Variants in CNKSR3 observed in about 807,000 individuals in gnomAD.
The protein encoded by CNKSR3 is CNKSR family member 3, also known as connector enhancer of kinase suppressor of ras 3.
In CNKSR3, 36 loss-of-function variants were observed where a neutral mutation model predicts 67.7. That is an observed-to-expected ratio of 0.53 (90% CI 0.41 to 0.70). CNKSR3 has a LOEUF of 0.70. CNKSR3 is among the 30% of genes least tolerant of loss of function. CNKSR3 has a pLI of 0.00. For missense variants in CNKSR3, 630 were observed against 695.2 expected, an observed-to-expected ratio of 0.91 and a Z score of 1.05; for synonymous variants, 281 against 271.4, an observed-to-expected ratio of 1.04 and a Z score of -0.35.
Position 154,394,325 on chromosome 6 carries a change from C to A in CNKSR3, c.*12029G>T, listed in dbSNP as rs1217574032. 3.9e-5 allele frequency: 6 copies of A among 152,142 alleles called. No individual in the cohort carries two copies. The highest frequency in any genetic ancestry group is 8.8e-5 in the Non-Finnish European group (6 of 68,032). The allele number at this position is 152,142 out of a possible 1,614,324, so 9.4% of individuals were successfully genotyped here. A position where few individuals can be genotyped will look rare whatever the true frequency, so the allele number is the denominator to read the frequency against. On this transcript the variant is annotated 3_prime_UTR_variant, in exon 13 of 13. Transcript: ENST00000607772. ...ACCACACATGGCCTTATTATTGTCACTTCTAGGCCAGGTTGGTTGAGTATT... is the reference window on the plus strand; with the variant it reads ...ACCACACATGGCCTTATTATTGTCAATTCTAGGCCAGGTTGGTTGAGTATT...
intron 8 of CNKSR3, 104 bp from the exon 9 acceptor site, chr6:154,422,756 A>G: frequency 7.5e-7 from 1 of 1,337,050 alleles, no homozygotes; most frequent in Non-Finnish European, 1.1e-6. Context: ...GCAGATACAT[A>G]GAAACAAAAT....
intron 1 of CNKSR3, among the ~76,000 whole-genome samples, chr6:154,481,945 G>A (rs1786575670): frequency 6.6e-6 from 1 of 152,134 alleles, no homozygotes; most frequent in African/African-American, 2.4e-5. Context: ...CTACCAATCT[G>A]TCATCAAGTG....
intron 11 of CNKSR3, 138 bp from the exon 12 acceptor site, chr6:154,410,570 T>C (rs750553146): frequency 1.1e-4 from 70 of 625,438 alleles, no homozygotes; most frequent in Non-Finnish European, 1.7e-4. Flanking sequence ...AAAATAAAAG[T>C]ATTTTAAAGC....
At chr6:154,470,188 CTTTTTTTTTTTTTTTTTTTT>C (rs869154714) in intron 1 of CNKSR3, among the ~76,000 whole-genome samples, 1 of 68,724 alleles carries the variant, frequency 1.5e-5, no homozygotes. Context: ...ACTTTCTTTC[CTTTTTTTTTTTTTTTTTTTT>C]TTTTTTTTTT....
At chr6:154,455,353 G>A (rs970323910) in intron 1 of CNKSR3, among the ~76,000 whole-genome samples, 2 of 152,110 alleles carry the variant, frequency 1.3e-5, no homozygotes, top group African/African-American at 4.8e-5. Context: ...TTCCTCCACT[G>A]GTGTGGAGAA....
At chr6:154,498,812 C>T (rs1786927443) in intron 1 of CNKSR3, among the ~76,000 whole-genome samples, 1 of 152,234 alleles carries the variant, frequency 6.6e-6, no homozygotes, top group African/African-American at 2.4e-5. Context: ...TGAAATGCAA[C>T]ATGTTTGTGA....
At chr6:154,454,104 C>CAGAGAGAGAGAG (rs71021054) in intron 1 of CNKSR3, among the ~76,000 whole-genome samples, 82 of 116,332 alleles carry the variant, frequency 7.0e-4, no homozygotes, top group African/African-American at 2.6e-3. Flanking sequence ...CACACACACA[C>CAGAGAGAGAGAG]AGAGAGAGAG....
In CNKSR3 at chr6:154,389,763, T is replaced by G. The variant is rs932922360; in HGVS notation, c.*16591A>C. 2 of 152,138 alleles carry G rather than the reference T, an allele frequency of 1.3e-5. No individual in the cohort carries two copies. Among genetic ancestry groups the G allele is most frequent in the African/African-American group, 4.8e-5 (2 of 41,424 alleles). The allele number at this position is 152,138 out of a possible 1,614,324, so 9.4% of individuals were successfully genotyped here. On this transcript the variant is annotated 3_prime_UTR_variant, in exon 13 of 13. Coordinates refer to ENST00000607772, the MANE Select transcript of CNKSR3 (RefSeq NM_173515.4). Reference sequence around the variant, plus strand: ...ATTTCTATACATTAACACAGAACTATCTAAAAAGGAAATTAGCGAAACAAT... The same window carrying G: ...ATTTCTATACATTAACACAGAACTAGCTAAAAAGGAAATTAGCGAAACAAT...
At chr6:154,407,386 A>G (rs1156444559) in intron 12 of CNKSR3, among the ~76,000 whole-genome samples, 3 of 152,200 alleles carry the variant, frequency 2.0e-5, no homozygotes, top group Non-Finnish European at 4.4e-5. Flanking sequence ...CTGAATAGAA[A>G]CTTAAAATAC....
At chr6:154,460,279 A>G (rs1414466722) in intron 1 of CNKSR3, among the ~76,000 whole-genome samples, 1 of 152,224 alleles carries the variant, frequency 6.6e-6, no homozygotes, top group East Asian at 1.9e-4. Context: ...TTCTCCTTTG[A>G]GTCCTCCTTC....
At chr6:154,505,293 AT>A (rs1787075077) in intron 1 of CNKSR3, among the ~76,000 whole-genome samples, 1 of 107,994 alleles carries the variant, frequency 9.3e-6, no homozygotes, top group Admixed American at 8.1e-5. Context: ...GCTATGTGTC[AT>A]AAACAAATAG....
At chr6:154,494,244 A>G (rs770920220) in intron 1 of CNKSR3, among the ~76,000 whole-genome samples, 4 of 152,194 alleles carry the variant, frequency 2.6e-5, no homozygotes, top group Non-Finnish European at 5.9e-5. Flanking sequence ...GAAGAAGAAT[A>G]AGAGGCAAGT....
At chr6:154,442,332 A>G in intron 2 of CNKSR3, 42 bp from the exon 3 acceptor site, 1 of 1,551,562 alleles carries the variant, frequency 6.4e-7, no homozygotes, top group Non-Finnish European at 8.9e-7. Context: ...AAAACAATGC[A>G]CAATATTCGA....
chr6:154,461,785 A>C (rs1415406588), intron 1 of CNKSR3, among the ~76,000 whole-genome samples: 1 of 152,254 alleles, frequency 6.6e-6, no homozygotes, highest in African/African-American at 2.4e-5. Context: ...AAAGTCACAC[A>C]ACCAATAATA....
intron 12 of CNKSR3, among the ~76,000 whole-genome samples, chr6:154,409,623 TGGGA>T (rs1784866971): frequency 6.6e-6 from 1 of 152,088 alleles, no homozygotes; most frequent in African/African-American, 2.4e-5. Flanking sequence ...GAAGCTGAAG[TGGGA>T]GGATCACTTG....
intron 1 of CNKSR3, among the ~76,000 whole-genome samples, chr6:154,498,379 T>C (rs1300605842): frequency 1.3e-5 from 2 of 152,110 alleles, no homozygotes; most frequent in Non-Finnish European, 1.5e-5. Context: ...ATAGACAATT[T>C]TGTGAACACT....
chr6:154,479,668 G>C (rs188275061), intron 1 of CNKSR3, among the ~76,000 whole-genome samples: 4 of 152,242 alleles, frequency 2.6e-5, no homozygotes, highest in East Asian at 3.9e-4. Flanking sequence ...GTGCAACACA[G>C]AACGAAAATT....
chr6:154,468,393 TACACAC>T (rs55806681), intron 1 of CNKSR3, among the ~76,000 whole-genome samples: 5,942 of 137,284 alleles, frequency 0.043, 405 homozygotes, highest in African/African-American at 0.15. Context: ...ATATATTTTA[TACACAC>T]ACACACACAC....
At chr6:154,467,686 A>T (rs1786232551) in intron 1 of CNKSR3, among the ~76,000 whole-genome samples, 1 of 152,186 alleles carries the variant, frequency 6.6e-6, no homozygotes, top group Non-Finnish European at 1.5e-5. Flanking sequence ...ATAACATTTT[A>T]CTTATATACA....
Sources: gnomAD v4.1 joint callset for allele counts (sites outside exome capture counted in the v4.1 genomes callset) on GRCh38, gnomAD v4.1.1 for gene constraint, MANE v1.5 for transcripts, NCBI Gene and HGNC (gene_info 2026-07-23, HGNC 2026-07-21) for gene names.